IQSEC1: variants seen among roughly 807,000 people sequenced by gnomAD.
IQSEC1 encodes IQ motif and Sec7 domain ArfGEF 1, also known as IQ motif and SEC7 domain-containing protein 1.
Under a neutral mutation model 91.0 loss-of-function variants are expected in IQSEC1, and 31 were observed. The observed-to-expected ratio is 0.34, with a 90% CI of 0.26 to 0.46. The LOEUF (loss-of-function observed/expected upper bound fraction) is 0.46, where lower values mean the gene tolerates loss of function less well. IQSEC1 is among the 20% of genes least tolerant of loss of function. The probability of loss-of-function intolerance (pLI) is 1.00; values close to 1 mark genes in which losing one functional copy is unlikely to be tolerated. For missense variants in IQSEC1, 1,388 were observed against 1,575.6 expected, an observed-to-expected ratio of 0.88 and a Z score of 2.02; for synonymous variants, 699 against 662.6, an observed-to-expected ratio of 1.05 and a Z score of -0.84.
At chr3:13,054,821 C>T (rs897018558) in intron 1 of IQSEC1, among the ~76,000 whole-genome samples, 15 of 152,218 alleles carry the variant, frequency 9.9e-5, no homozygotes, top group Admixed American at 8.5e-4. Context: ...GCAGGGCACT[C>T]GGGTCAGACG....
intron 1 of IQSEC1, among the ~76,000 whole-genome samples, chr3:12,973,794 G>A (rs1281302671): frequency 2.0e-5 from 3 of 152,152 alleles, no homozygotes; most frequent in Non-Finnish European, 4.4e-5. Context: ...GAGCCACCAA[G>A]ACCCAGTGCT....
chr3:13,071,065 G>A (rs889077779), intron 1 of IQSEC1, among the ~76,000 whole-genome samples: 2 of 151,708 alleles, frequency 1.3e-5, no homozygotes, highest in African/African-American at 2.4e-5. Context: ...AAAATCATCC[G>A]GAAAATGAAA....
chr3:12,914,644 T>A (rs145008623), intron 8 of IQSEC1, among the ~76,000 whole-genome samples: 9 of 151,304 alleles, frequency 5.9e-5, no homozygotes, highest in South Asian at 2.1e-4. Flanking sequence ...ACAAGGAGGG[T>A]CATGGTGAGC....
chr3:13,263,439 G>GGGGGGGAA (rs1553581065), intron 1 of IQSEC1, among the ~76,000 whole-genome samples: 11 of 107,250 alleles, frequency 1.0e-4, no homozygotes, highest in African/African-American at 3.4e-4. Context: ...GGGGGGGGGG[G>GGGGGGGAA]AAAGTACCTG....
chr3:13,074,880 G>T (rs1705538389), upstream of IQSEC1, among the ~76,000 whole-genome samples: 1 of 152,212 alleles, frequency 6.6e-6, no homozygotes, highest in Non-Finnish European at 1.5e-5. Context: ...AACCTCAGGG[G>T]GTGAGCGATT....
chr3:13,207,239 C>T lies in IQSEC1; in HGVS notation c.273-43106G>A, dbSNP rs987212383. Among the ~76,000 whole-genome samples the T allele has an allele frequency of 6.6e-6, 1 of 152,148 alleles. No individual in the cohort carries two copies. The highest frequency in any genetic ancestry group is 2.4e-5 in the African/African-American group (1 of 41,426). On this transcript the variant is annotated intron_variant, in intron 1 of 15. Transcript: ENST00000648114. The surrounding 1 kb of genome is among the most constrained non-coding windows in gnomAD (Gnocchi z 4.8). ...AGCTCTTGACCCTGACCTTCCCCAC[C>T]TCCGCTCAAACCTTCCCACCAGATT...
Position 12,900,776 on chromosome 3 carries a change from A to G in IQSEC1, c.*207T>C. The G allele has an allele frequency of 6.9e-7, 1 of 1,443,800 alleles. No homozygotes were observed. Among genetic ancestry groups the G allele is most frequent in the Middle Eastern group, 2.5e-4 (1 of 4,058 alleles). The allele number at this position is 1,443,800 out of a possible 1,614,324, so 89.4% of individuals were successfully genotyped here. A position where few individuals can be genotyped will look rare whatever the true frequency, so the allele number is the denominator to read the frequency against. ...CCTCAGACTGAGGTGAGCAGAGCCC[A>G]GGGTGCCAACAAGAAATGAAATCTG... On this transcript the variant is annotated 3_prime_UTR_variant, in exon 14 of 14. Transcript: ENST00000613206.
intron 1 of IQSEC1, among the ~76,000 whole-genome samples, chr3:12,953,755 A>G (rs1699719849): frequency 6.6e-6 from 1 of 152,138 alleles, no homozygotes; most frequent in South Asian, 2.1e-4. Flanking sequence ...TCAGGCATCT[A>G]CCACCCTAAT....
chr3:13,010,486 C>T lies in IQSEC1; in HGVS notation c.23+62506G>A, dbSNP rs545365846. Among the ~76,000 whole-genome samples, 6 of 152,218 alleles carry T rather than the reference C, an allele frequency of 3.9e-5. No homozygotes were observed. The East Asian group carries it at 9.6e-4, about 24-fold the overall frequency. On this transcript the variant is annotated intron_variant, in intron 1 of 13. Coordinates refer to ENST00000613206, the MANE Select transcript of IQSEC1 (RefSeq NM_001134382.3). ...GTTTCTGCCTGGATATGACAAATGTCGACCTGGAGCTGTTGGGGCCATCTG... is the reference window on the plus strand; with the variant it reads ...GTTTCTGCCTGGATATGACAAATGTTGACCTGGAGCTGTTGGGGCCATCTG...
chr3:13,194,223 ACT>A (rs1395367503), intron 1 of IQSEC1, among the ~76,000 whole-genome samples: 1 of 151,912 alleles, frequency 6.6e-6, no homozygotes, highest in Non-Finnish European at 1.5e-5. Flanking sequence ...GGGGTGTGTA[ACT>A]CAGCCGGGAG....
chr3:13,055,749 C>T (rs971082418), intron 1 of IQSEC1, among the ~76,000 whole-genome samples: 1 of 152,254 alleles, frequency 6.6e-6, no homozygotes, highest in Non-Finnish European at 1.5e-5. Flanking sequence ...GAGGCGATCA[C>T]TGGGCCAAGG....
chr3:13,092,057 T>C (rs1054279920), intron 2 of IQSEC1, among the ~76,000 whole-genome samples: 3 of 152,034 alleles, frequency 2.0e-5, no homozygotes, highest in Non-Finnish European at 2.9e-5. Context: ...TAAGCACAGC[T>C]CTTTCTGGGG....
intron 1 of IQSEC1, among the ~76,000 whole-genome samples, chr3:13,029,632 C>T (rs1028316865): frequency 4.6e-5 from 7 of 152,226 alleles, no homozygotes; most frequent in African/African-American, 1.2e-4. Flanking sequence ...CTGGGTCTTG[C>T]CGTCCAGGTC....
chr3:12,941,933 G>A, intron 1 of IQSEC1, 68 bp from the exon 2 acceptor site: 1 of 1,397,906 alleles, frequency 7.2e-7, no homozygotes, highest in African/African-American at 1.4e-5. Context: ...CGGGCCGTGG[G>A]GCGTGACCCC....
intron 10 of IQSEC1, among the ~76,000 whole-genome samples, chr3:12,910,372 G>C (rs1695449038): frequency 6.6e-6 from 1 of 152,234 alleles, no homozygotes; most frequent in South Asian, 2.1e-4. Context: ...CCTCTGCCCT[G>C]ATGGTCCACA....
chr3:13,136,479 G>A (rs1706712771), intron 2 of IQSEC1, among the ~76,000 whole-genome samples: 1 of 152,196 alleles, frequency 6.6e-6, no homozygotes, highest in Non-Finnish European at 1.5e-5. Flanking sequence ...CAGACACGAG[G>A]AAGAATGTAA....
chr3:13,085,690 C>T (rs1314698891), intron 2 of IQSEC1, among the ~76,000 whole-genome samples: 1 of 152,182 alleles, frequency 6.6e-6, no homozygotes, highest in African/African-American at 2.4e-5. Flanking sequence ...CAAAGTGAAC[C>T]CCTTGAAGCC....
intron 1 of IQSEC1, among the ~76,000 whole-genome samples, chr3:13,177,569 T>TGC (rs1400715432): frequency 1.5e-5 from 1 of 67,460 alleles, no homozygotes; most frequent in East Asian, 3.9e-4. Context: ...TCACCCCCCA[T>TGC]TCCCCATCCC....
At chr3:13,239,860 C>G (rs986196141) in intron 1 of IQSEC1, among the ~76,000 whole-genome samples, 1 of 152,088 alleles carries the variant, frequency 6.6e-6, no homozygotes, top group Non-Finnish European at 1.5e-5. Context: ...TGGATGGGGG[C>G]CCCGAGGGGC....
Sources: gnomAD v4.1 joint callset for allele counts (sites outside exome capture counted in the v4.1 genomes callset) on GRCh38, gnomAD v4.1.1 for gene constraint, Gnocchi (gnomAD v3.1) non-coding constraint, MANE v1.5 for transcripts, NCBI Gene and HGNC (gene_info 2026-07-23, HGNC 2026-07-21) for gene names.